Variants in AGBL4 observed in about 807,000 individuals in gnomAD.
AGBL4 encodes cytosolic carboxypeptidase 6.
Under a neutral mutation model 66.4 loss-of-function variants are expected in AGBL4, and 58 were observed. The observed-to-expected ratio is 0.87, with a 90% CI of 0.71 to 1.09. The LOEUF (loss-of-function observed/expected upper bound fraction) is 1.09. Ranked by LOEUF, AGBL4 falls within the 50% of genes least tolerant of loss-of-function variation. The pLI, the probability that AGBL4 is intolerant of heterozygous loss-of-function variation, is 0.00. For missense variants in AGBL4, 579 were observed against 631.0 expected, an observed-to-expected ratio of 0.92 and a Z score of 0.88; for synonymous variants, 234 against 222.9, an observed-to-expected ratio of 1.05 and a Z score of -0.44.
intron 3 of AGBL4, among the ~76,000 whole-genome samples, chr1:49,382,808 T>G (rs1644651011): frequency 6.6e-6 from 1 of 152,102 alleles, no homozygotes; most frequent in Non-Finnish European, 1.5e-5. Flanking sequence ...ATAAAAAAAT[T>G]TAGCAAAGTT....
intron 5 of AGBL4, among the ~76,000 whole-genome samples, chr1:48,914,245 A>G (rs1256800440): frequency 1.3e-5 from 2 of 152,214 alleles, no homozygotes; most frequent in African/African-American, 4.8e-5. Context: ...AGGAGATAGA[A>G]GGGCACTCAG....
chr1:49,412,358 T>G (rs1456583996), intron 3 of AGBL4, among the ~76,000 whole-genome samples: 1 of 152,110 alleles, frequency 6.6e-6, no homozygotes, highest in African/African-American at 2.4e-5. Context: ...TGGACTCTTC[T>G]TATAAGAACA....
chr1:49,512,121 A>G (rs1219356169), intron 3 of AGBL4, among the ~76,000 whole-genome samples: 1 of 151,976 alleles, frequency 6.6e-6, no homozygotes, highest in Non-Finnish European at 1.5e-5. Context: ...GTAAGAAAAA[A>G]GGTAAAGCAG....
intron 3 of AGBL4, among the ~76,000 whole-genome samples, chr1:49,305,311 C>T (rs924022906): frequency 1.1e-4 from 17 of 152,108 alleles, no homozygotes; most frequent in African/African-American, 3.9e-4. Context: ...TACAGTCATC[C>T]CTTGGTATTA....
intron 1 of AGBL4, among the ~76,000 whole-genome samples, chr1:49,942,872 C>G (rs529537915): frequency 6.6e-6 from 1 of 152,140 alleles, no homozygotes; most frequent in East Asian, 1.9e-4. Context: ...ACGAGACAAC[C>G]TATAGAATAC....
At chr1:49,103,280 G>C (rs1235276923) in intron 4 of AGBL4, among the ~76,000 whole-genome samples, 1 of 152,106 alleles carries the variant, frequency 6.6e-6, no homozygotes, top group East Asian at 1.9e-4. Flanking sequence ...CTTAACCCAG[G>C]ACTCTCAAGA....
At chr1:49,254,289 C>G (rs1446594898) in intron 3 of AGBL4, among the ~76,000 whole-genome samples, 4 of 152,128 alleles carry the variant, frequency 2.6e-5, no homozygotes, top group African/African-American at 7.2e-5. Flanking sequence ...CCAAAAGTTG[C>G]TTAAGCTAAT....
chr1:49,722,021 C>G (rs1015242781), intron 2 of AGBL4, among the ~76,000 whole-genome samples: 2 of 152,058 alleles, frequency 1.3e-5, no homozygotes, highest in African/African-American at 4.8e-5. Flanking sequence ...AGGTTACAAC[C>G]AGAGGTGAAT....
chr1:48,968,239 T>C (rs1167211812), intron 5 of AGBL4, among the ~76,000 whole-genome samples: 1 of 152,000 alleles, frequency 6.6e-6, no homozygotes, highest in East Asian at 1.9e-4. Context: ...AGAAGAATAG[T>C]AGGCAATAAA....
chr1:49,788,804 A>G (rs1409442039), intron 2 of AGBL4, among the ~76,000 whole-genome samples: 1 of 152,220 alleles, frequency 6.6e-6, no homozygotes, highest in Non-Finnish European at 1.5e-5. Flanking sequence ...TCCAAACAAA[A>G]AAGAGACAAT....
intron 2 of AGBL4, among the ~76,000 whole-genome samples, chr1:49,838,559 G>C (rs775733762): frequency 1.3e-5 from 2 of 152,154 alleles, no homozygotes; most frequent in Non-Finnish European, 2.9e-5. Flanking sequence ...TTTGAAAGCT[G>C]TATGATAACC....
At chr1:48,954,521 G>T (rs899698539) in intron 5 of AGBL4, among the ~76,000 whole-genome samples, 3 of 152,144 alleles carry the variant, frequency 2.0e-5, no homozygotes, top group Non-Finnish European at 4.4e-5. Flanking sequence ...CTTCTATTTT[G>T]CCTTAAAGGT....
At chr1:48,579,387 T>C (rs1026947171) in intron 11 of AGBL4, among the ~76,000 whole-genome samples, 2 of 151,200 alleles carry the variant, frequency 1.3e-5, no homozygotes, top group Admixed American at 6.6e-5. Flanking sequence ...GCCAACAAGT[T>C]TGGCTATTTT....
chr1:49,117,134 G>A (rs1339734874), intron 4 of AGBL4, among the ~76,000 whole-genome samples: 33 of 151,264 alleles, frequency 2.2e-4, no homozygotes, highest in Non-Finnish European at 2.7e-4. Flanking sequence ...TTGTCAGATT[G>A]GTAGTTTGCA....
intron 1 of AGBL4, among the ~76,000 whole-genome samples, chr1:49,906,698 G>T (rs182512125): frequency 3.5e-4 from 53 of 152,046 alleles, no homozygotes; most frequent in African/African-American, 1.3e-3. Context: ...TGATATATGT[G>T]TATGTGTTTG....
intron 6 of AGBL4, among the ~76,000 whole-genome samples, chr1:48,828,292 C>A (rs990895398): frequency 6.6e-6 from 1 of 152,130 alleles, no homozygotes; most frequent in African/African-American, 2.4e-5. Flanking sequence ...CCTCCTACCA[C>A]CATAGAGGTG....
chr1:49,794,304 A>C (rs1303961907), intron 2 of AGBL4, among the ~76,000 whole-genome samples: 1 of 152,002 alleles, frequency 6.6e-6, no homozygotes, highest in African/African-American at 2.4e-5. Context: ...CAAAAAATTG[A>C]AAACGGATTT....
intron 1 of AGBL4, among the ~76,000 whole-genome samples, chr1:49,945,590 G>A (rs1183285000): frequency 1.3e-5 from 2 of 151,954 alleles, no homozygotes; most frequent in Non-Finnish European, 2.9e-5. Context: ...ACAAATCCTG[G>A]AAACACATTA....
chr1:49,359,152 T>C (rs1387665453), intron 3 of AGBL4, among the ~76,000 whole-genome samples: 1 of 152,208 alleles, frequency 6.6e-6, no homozygotes, highest in African/African-American at 2.4e-5. Context: ...TTAGCATGTA[T>C]GAGTTAAATT....
Sources: gnomAD v4.1 joint callset for allele counts (sites outside exome capture counted in the v4.1 genomes callset) on GRCh38, gnomAD v4.1.1 for gene constraint, MANE v1.5 for transcripts, NCBI Gene and HGNC (gene_info 2026-07-23, HGNC 2026-07-21) for gene names.